The following TSBP1 variants were observed in gnomAD, a reference collection of about 807,000 sequenced individuals.
TSBP1 encodes the protein testis expressed basic protein 1.
In TSBP1, 56 loss-of-function variants were observed where a neutral mutation model predicts 68.8. The ratio of observed to expected loss-of-function variants is 0.81; its 90% CI spans 0.66 to 1.02. The LOEUF (loss-of-function observed/expected upper bound fraction) is 1.02, where lower values mean the gene tolerates loss of function less well. TSBP1 is among the 50% of genes least tolerant of loss of function. The pLI, the probability that TSBP1 is intolerant of heterozygous loss-of-function variation, is 0.00. For missense variants in TSBP1, 502 were observed against 641.2 expected (o/e 0.78, Z 2.34); for synonymous variants, 171 against 208.7 (o/e 0.82, Z 1.56).
In TSBP1 at chr6:32,336,661, T is replaced by G. The variant is rs1424034677; in HGVS notation, c.410-26A>C. The G allele has an allele frequency of 6.2e-7, 1 of 1,606,464 alleles. No individual in the cohort carries two copies. Among genetic ancestry groups the G allele is most frequent in the African/African-American group, 1.3e-5 (1 of 74,892 alleles). ...CTGAAATACAAAAAGGAGGAAAGTGTGGTTTGACATTAATAGAATTTTCAT... is the reference window on the plus strand; with the variant it reads ...CTGAAATACAAAAAGGAGGAAAGTGGGGTTTGACATTAATAGAATTTTCAT... On this transcript the variant is annotated intron_variant, in intron 11 of 22. Transcript: ENST00000612031. The surrounding 1 kb of genome is among the most constrained non-coding windows in gnomAD (Gnocchi z 5.2).
At chr6:32,327,841 G>A in intron 16 of TSBP1, among the ~76,000 whole-genome samples, 1 of 151,344 alleles carries the variant, frequency 6.6e-6, no homozygotes, top group Non-Finnish European at 1.5e-5. Flanking sequence ...ACCCAGGCTG[G>A]AGTGCGGTGG....
chr6:32,349,116 TTCCCTC>T (rs1771395858), intron 9 of TSBP1, among the ~76,000 whole-genome samples: 1 of 152,114 alleles, frequency 6.6e-6, no homozygotes, highest in African/African-American at 2.4e-5. Flanking sequence ...AATATGAAAT[TTCCCTC>T]CTTGCTCTCC....
intron 10 of TSBP1, among the ~76,000 whole-genome samples, chr6:32,339,275 A>G (rs778760415): frequency 1.8e-4 from 27 of 152,178 alleles, no homozygotes; most frequent in Non-Finnish European, 3.2e-4. Flanking sequence ...TCACAATTTC[A>G]TTAATTAATC....
intron 8 of TSBP1, among the ~76,000 whole-genome samples, chr6:32,352,692 T>C (rs2127634544): frequency 6.6e-6 from 1 of 151,790 alleles, no homozygotes; most frequent in South Asian, 2.1e-4. Flanking sequence ...AAACAAACTT[T>C]TAAGGTTCAA....
At chr6:32,295,125 T>C (rs1764548556) in intron 22 of TSBP1, among the ~76,000 whole-genome samples, 1 of 151,934 alleles carries the variant, frequency 6.6e-6, no homozygotes, top group Non-Finnish European at 1.5e-5. Context: ...CACTTGAGGT[T>C]GGGAGTTGGA....
At chr6:32,295,925 AC>A (rs1217046675) in intron 22 of TSBP1, among the ~76,000 whole-genome samples, 1 of 150,998 alleles carries the variant, frequency 6.6e-6, no homozygotes, top group African/African-American at 2.4e-5. Flanking sequence ...GCTCACCGCA[AC>A]CTTTGCCTCC....
chr6:32,368,081 T>C, intron 3 of TSBP1, 124 bp from the exon 4 acceptor site: 2 of 775,562 alleles, frequency 2.6e-6, no homozygotes, highest in Non-Finnish European at 4.3e-6. Flanking sequence ...ATTAATTTAC[T>C]TTGCAGGAAC....
Position 32,316,510 on chromosome 6 carries a change from C to G in TSBP1, c.560-718G>C. On this transcript the variant is annotated intron_variant, in intron 18 of 22. Transcript: ENST00000612031. The surrounding 1 kb of genome is among the most constrained non-coding windows in gnomAD (Gnocchi z 4.5). ...GTTGGGGAGAATCTTGGTAGTCACA[C>G]AGCTCTGGATGACAATGGCTAATTC... is the stretch of plus-strand genomic sequence containing the variant. The G allele has an allele frequency of 1.0e-6, 1 of 956,620 alleles. No homozygotes were observed. The allele number at this position is 956,620 out of a possible 1,614,324, so 59.3% of individuals were successfully genotyped here.
Position 32,306,336 on chromosome 6 carries a change from C to G in TSBP1, c.581-3707G>C, listed in dbSNP as rs181357582. 5.3e-5 allele frequency among the ~76,000 whole-genome samples: 8 copies of G among 152,284 alleles called. No homozygotes were observed. The South Asian group carries it at 1.0e-3, about 20-fold the overall frequency. Reference sequence around the variant, plus strand: ...TTGCTGGCATCCAGATCTCTGTGTTCCTCAGTCATCTCTTGATTCTAACTC... The same window carrying G: ...TTGCTGGCATCCAGATCTCTGTGTTGCTCAGTCATCTCTTGATTCTAACTC... On this transcript the variant is annotated intron_variant, in intron 19 of 22. Transcript: ENST00000612031. This position sits in a 1 kb window ranked among gnomAD's most constrained non-coding sequence, Gnocchi z 5.1.
intron 9 of TSBP1, among the ~76,000 whole-genome samples, chr6:32,345,404 C>A (rs1770891843): frequency 1.3e-5 from 2 of 152,110 alleles, no homozygotes; most frequent in Admixed American, 6.5e-5. Context: ...ATAATTCTCA[C>A]CGAAATCATT....
chr6:32,342,087 C>T (rs9268256), intron 9 of TSBP1, among the ~76,000 whole-genome samples: 50,573 of 147,588 alleles, frequency 0.34, 9,655 homozygotes, highest in Middle Eastern at 0.53. Context: ...GAAATCAGTT[C>T]CAGAAGGTTT....
intron 19 of TSBP1, among the ~76,000 whole-genome samples, chr6:32,303,291 G>T (rs1765476890): frequency 6.7e-6 from 1 of 148,778 alleles, no homozygotes; most frequent in African/African-American, 2.5e-5. Context: ...GGGTTTTTCT[G>T]TTTCTCTTCA....
chr6:32,367,958 C>T lies in TSBP1; in HGVS notation c.134-1G>A, dbSNP rs1183575695. On this transcript the variant is annotated splice_acceptor_variant, in intron 3 of 22. Transcript: ENST00000612031. LOFTEE classifies it high-confidence loss of function. Reference sequence around the variant, plus strand: ...TCCTCATAGTCCAGAAGTCTAGCACCTAGAAAAAAAGGGAGAGCACATGAT... The same window carrying T: ...TCCTCATAGTCCAGAAGTCTAGCACTTAGAAAAAAAGGGAGAGCACATGAT... 2.5e-6 allele frequency: 4 copies of T among 1,608,954 alleles called. No individual in the cohort carries two copies. The highest frequency in any genetic ancestry group is 1.3e-5 in the African/African-American group (1 of 74,334).
Position 32,336,644 on chromosome 6 carries a change from CA to C in TSBP1, c.410-10del. 1 of 1,611,530 alleles carries C rather than the reference CA, an allele frequency of 6.2e-7. No individual in the cohort carries two copies. The highest frequency in any genetic ancestry group is 8.5e-7 in the Non-Finnish European group (1 of 1,178,830). On this transcript the variant is annotated splice_polypyrimidine_tract_variant and intron_variant, in intron 11 of 22. Coordinates refer to ENST00000612031, the Ensembl canonical transcript of TSBP1. The surrounding 1 kb of genome is among the most constrained non-coding windows in gnomAD (Gnocchi z 5.2). ...AGGGGCTGTGAATTGCACTGAAATA[CA>C]AAAAGGAGGAAAGTGTGGTTTGACA...
chr6:32,365,536 T>C lies in TSBP1; in HGVS notation c.217+631A>G. On this transcript the variant is annotated intron_variant, in intron 6 of 22. Transcript: ENST00000612031. This position sits in a 1 kb window ranked among gnomAD's most constrained non-coding sequence, Gnocchi z 4.3. ...TCTTTTCCCTGCTCCCAGCCTCTCC[T>C]AACCATTCAACTATGCTGATCATCT... The C allele has an allele frequency of 4.4e-6, 2 of 456,544 alleles. No individual in the cohort carries two copies. The highest frequency in any genetic ancestry group is 8.8e-6 in the Non-Finnish European group (2 of 226,886). The allele number at this position is 456,544 out of a possible 1,614,324, so 28.3% of individuals were successfully genotyped here.
At chr6:32,359,382 T>C (rs1338303171) in intron 6 of TSBP1, among the ~76,000 whole-genome samples, 1 of 152,160 alleles carries the variant, frequency 6.6e-6, no homozygotes, top group Non-Finnish European at 1.5e-5. Flanking sequence ...TGATTTGCAT[T>C]TCTCTGATGG....
rs9281750 is a variant in TSBP1, at chr6:32,360,892, T to TA, written c.218-5224dup. ...GTTTTTTTCTCTCTCTCTTTTTTTT[T>TA]ATTATACTTTAAGTTCTAGGGTACA... is the stretch of plus-strand genomic sequence containing the variant. On this transcript the variant is annotated intron_variant, in intron 6 of 22. Transcript: ENST00000612031. Among the ~76,000 whole-genome samples, 68 of 151,846 alleles carry TA rather than the reference T, an allele frequency of 4.5e-4. 1 individual carries two copies. Among genetic ancestry groups the TA allele is most frequent in the African/African-American group, 1.3e-3 (53 of 41,440 alleles).
At chr6:32,369,975 A>C (rs1390877652) in exon 2 of TSBP1, 3 of 1,611,228 alleles carry the variant, frequency 1.9e-6, no homozygotes, top group South Asian at 1.1e-5. Context: ...ATGACAGCCA[A>C]AGTTATTTCT....
intron 6 of TSBP1, among the ~76,000 whole-genome samples, chr6:32,356,999 C>G (rs1190386565): frequency 2.0e-5 from 3 of 152,058 alleles, no homozygotes; most frequent in Non-Finnish European, 4.4e-5. Flanking sequence ...AATGACCTTA[C>G]CTAATATTAA....
Sources: gnomAD v4.1 joint callset for allele counts (sites outside exome capture counted in the v4.1 genomes callset) on GRCh38, gnomAD v4.1.1 for gene constraint, Gnocchi (gnomAD v3.1) non-coding constraint, MANE v1.5 for transcripts, NCBI Gene and HGNC (gene_info 2026-07-23, HGNC 2026-07-21) for gene names.